The following ATP2A1 variants were observed in gnomAD, a reference collection of about 807,000 sequenced individuals.
ATP2A1 encodes the protein sarcoplasmic/endoplasmic reticulum calcium ATPase 1.
ATP2A1 carries 83 observed loss-of-function variants against 109.5 expected under a neutral mutation model. The ratio of observed to expected loss-of-function variants is 0.76; its 90% CI spans 0.63 to 0.91. The LOEUF is 0.91. ATP2A1 is among the 40% of genes least tolerant of loss of function. The pLI, the probability that ATP2A1 is intolerant of heterozygous loss-of-function variation, is 0.00. For missense variants in ATP2A1, 1,101 were observed against 1,341.0 expected, an observed-to-expected ratio of 0.82 and a Z score of 2.80; for synonymous variants, 505 against 537.6, an observed-to-expected ratio of 0.94 and a Z score of 0.84.
chr16:28,901,055 G>GT, intron 15 of ATP2A1, 139 bp downstream of exon 15: 1 of 1,222,488 alleles, frequency 8.2e-7, no homozygotes, highest in Non-Finnish European at 1.2e-6. Flanking sequence ...GGAAGAGTCT[G>GT]AAGGAGGATT....
In ATP2A1 at chr16:28,879,097, A is replaced by G. The variant is rs201535825; in HGVS notation, c.119-2A>G. ...TGTCCTTTTCTTCTTTTTCCTGGGT[A>G]GAGCTCCCTGCTGAGGAAGGTAAGT... is the stretch of plus-strand genomic sequence containing the variant. On this transcript the variant is annotated splice_acceptor_variant, in intron 1 of 22. Coordinates refer to ENST00000395503, the MANE Select transcript of ATP2A1 (RefSeq NM_004320.6). LOFTEE classifies it high-confidence loss of function. 6.2e-7 allele frequency: 1 copy of G among 1,613,760 alleles called. No individual in the cohort carries two copies. The highest frequency in any genetic ancestry group is 2.2e-5 in the East Asian group (1 of 44,880).
Position 28,880,919 on chromosome 16 carries a change from T to C in ATP2A1, c.224T>C (p.Leu75Pro). 1 of 1,614,130 alleles carries C rather than the reference T, an allele frequency of 6.2e-7. No homozygotes were observed. The highest frequency in any genetic ancestry group is 8.5e-7 in the Non-Finnish European group (1 of 1,179,928). ...CTCCTTTCCCCTGCTCCCCAGGTGC[T>C]GGCCTGGTTTGAGGAAGGTGAAGAG... The part of the protein sequence containing the change: ...LLLAACISFV[L>P]AWFEEGEETI... The change falls in exon 4 of 23, where the codon CTG (leucine) becomes CCG (proline). Residue 75 changes from leucine (L) to proline (P), a missense_variant. By Grantham distance (98) the Leu-to-Pro change is moderately conservative. Coordinates refer to ENST00000395503, the MANE Select transcript of ATP2A1 (RefSeq NM_004320.6). This position sits in a 1 kb window ranked among gnomAD's most constrained non-coding sequence, Gnocchi z 4.2.
chr16:28,894,369 CT>C, intron 10 of ATP2A1, 126 bp downstream of exon 10: 2 of 1,287,054 alleles, frequency 1.6e-6, no homozygotes, highest in Non-Finnish European at 2.2e-6. Context: ...CTTGTTCTCT[CT>C]CCTGATATCC....
intron 9 of ATP2A1, among the ~76,000 whole-genome samples, chr16:28,890,738 T>C (rs1178982182): frequency 1.3e-5 from 2 of 151,976 alleles, no homozygotes; most frequent in South Asian, 4.1e-4. Flanking sequence ...CAGGCTGGAG[T>C]GCAGTGGCCC....
In ATP2A1 at chr16:28,884,660, G is replaced by A; in HGVS notation, c.544+5G>A. The A allele has an allele frequency of 6.2e-7, 1 of 1,612,412 alleles. No homozygotes were observed. The highest frequency in any genetic ancestry group is 8.5e-7 in the Non-Finnish European group (1 of 1,179,424). On this transcript the variant is annotated splice_donor_5th_base_variant and intron_variant, in intron 6 of 22. Coordinates refer to ENST00000395503, the MANE Select transcript of ATP2A1 (RefSeq NM_004320.6). Reference sequence around the variant, plus strand: ...TTGACCAGTCCATCCTGACAGGTCTGCTGGCCTGGGTGGGAAGATGCATGG... The same window carrying A: ...TTGACCAGTCCATCCTGACAGGTCTACTGGCCTGGGTGGGAAGATGCATGG...
chr16:28,894,023 G>C lies in ATP2A1; in HGVS notation c.1096-132G>C, dbSNP rs777199086. 8 of 727,196 alleles carry C rather than the reference G, an allele frequency of 1.1e-5. No homozygotes were observed. In the South Asian group the frequency reaches 1.1e-4, roughly 10 times the overall value. 45.0% of individuals were successfully genotyped at this position (727,196 alleles called of 1,614,324 possible). On this transcript the variant is annotated intron_variant, in intron 9 of 22. Coordinates refer to ENST00000395503, the MANE Select transcript of ATP2A1 (RefSeq NM_004320.6). ...GGGAAGTGGGTAGGGTATACGGGGG[G>C]GATGAGGAGGGGTGAGTAGGAGGGA...
intron 9 of ATP2A1, among the ~76,000 whole-genome samples, chr16:28,889,644 G>A (rs887585575): frequency 3.3e-5 from 5 of 152,186 alleles, no homozygotes; most frequent in Admixed American, 1.3e-4. Context: ...ACAGAGTTGA[G>A]CTTCAAACCC....
Position 28,903,546 on chromosome 16 carries a change from C to A in ATP2A1, c.2980+106C>A. ...CTTTGCAGGTGGTAAGTTTCTCAGCCCTGGCAGGACCTGTGTCCGCCCCGT... is the reference window on the plus strand; with the variant it reads ...CTTTGCAGGTGGTAAGTTTCTCAGCACTGGCAGGACCTGTGTCCGCCCCGT... On this transcript the variant is annotated intron_variant, in intron 21 of 22. Coordinates refer to ENST00000395503, the MANE Select transcript of ATP2A1 (RefSeq NM_004320.6). The surrounding 1 kb of genome is among the most constrained non-coding windows in gnomAD (Gnocchi z 5.6). 8 of 1,268,350 alleles carry A rather than the reference C, an allele frequency of 6.3e-6. No individual in the cohort carries two copies. The highest frequency in any genetic ancestry group is 9.2e-6 in the Non-Finnish European group (8 of 867,588). 78.6% of individuals were successfully genotyped at this position (1,268,350 alleles called of 1,614,324 possible). A position where few individuals can be genotyped will look rare whatever the true frequency, so the allele number is the denominator to read the frequency against.
Position 28,903,502 on chromosome 16 carries a change from G to GC in ATP2A1, c.2980+67dup. 2 of 1,349,112 alleles carry GC rather than the reference G, an allele frequency of 1.5e-6. No homozygotes were observed. The highest frequency in any genetic ancestry group is 2.1e-6 in the Non-Finnish European group (2 of 973,094). 83.6% of individuals were successfully genotyped at this position (1,349,112 alleles called of 1,614,324 possible). ...ACCACAGCCCCTTCCCCATGACGCC[G>GC]CCCCCGCCCCGCCCCGTACTTTGCA... On this transcript the variant is annotated intron_variant, in intron 21 of 22. Transcript: ENST00000395503. The surrounding 1 kb of genome is among the most constrained non-coding windows in gnomAD (Gnocchi z 5.6).
intron 11 of ATP2A1, 38 bp from the exon 12 acceptor site, chr16:28,894,784 G>A: frequency 1.2e-6 from 2 of 1,609,548 alleles, no homozygotes; most frequent in Non-Finnish European, 8.5e-7. Context: ...GTAGGAGCCT[G>A]GGGCACCGAC....
At chr16:28,897,830 C>T (rs1463445813) in intron 12 of ATP2A1, among the ~76,000 whole-genome samples, 170 bp from the exon 13 acceptor site, 1 of 152,162 alleles carries the variant, frequency 6.6e-6, no homozygotes, top group African/African-American at 2.4e-5. Flanking sequence ...TGTGCTTTAA[C>T]CTAGGACCCT....
rs958585369 is a variant in ATP2A1 at position 28,883,421 on chromosome 16, A to G, written c.463+832A>G. Among the ~76,000 whole-genome samples, 1 of 152,076 alleles carries G rather than the reference A, an allele frequency of 6.6e-6. No homozygotes were observed. The highest frequency in any genetic ancestry group is 1.5e-5 in the Non-Finnish European group (1 of 68,004). Reference sequence around the variant, plus strand: ...GTCAGCGCCATGAATGTCTATAAATATCACGCGGGCTTGGGTGACAGGGTG... The same window carrying G: ...GTCAGCGCCATGAATGTCTATAAATGTCACGCGGGCTTGGGTGACAGGGTG... On this transcript the variant is annotated intron_variant, in intron 5 of 22. Transcript: ENST00000395503. The surrounding 1 kb of genome is among the most constrained non-coding windows in gnomAD (Gnocchi z 5.2).
At chr16:28,893,645 GTTTT>G (rs571392375) in intron 9 of ATP2A1, among the ~76,000 whole-genome samples, 22 of 114,838 alleles carry the variant, frequency 1.9e-4, no homozygotes, top group East Asian at 5.9e-4. Flanking sequence ...TCGTTTGTGG[GTTTT>G]TTTTTGTTTT....
chr16:28,879,639 G>T, intron 3 of ATP2A1, 56 bp downstream of exon 3: 1 of 1,556,924 alleles, frequency 6.4e-7, no homozygotes. Flanking sequence ...GGGATCGGGC[G>T]AATGCGGGGC....
chr16:28,903,043 C>T lies in ATP2A1; in HGVS notation c.2758C>T (p.Gln920Ter), dbSNP rs897301304. 15 of 1,613,790 alleles carry T rather than the reference C, an allele frequency of 9.3e-6. No individual in the cohort carries two copies. Among genetic ancestry groups the T allele is most frequent in the Non-Finnish European group, 1.3e-5 (15 of 1,180,000 alleles). Residue 920 changes from glutamine to a stop codon, truncating the protein, a stop_gained, in exon 20 of 23, where the codon CAG becomes TAG. Transcript: ENST00000395503. LOFTEE classifies it high-confidence loss of function. This position sits in a 1 kb window ranked among gnomAD's most constrained non-coding sequence, Gnocchi z 5.6. Reference protein sequence around the residue: ...CNALNSLSENQSLLRMPPWVN... With the variant: ...CNALNSLSEN ...TCCCCTCTGCAGCCTGTCCGAGAAC[C>T]AGTCCCTGCTGCGGATGCCACCCTG...
intron 4 of ATP2A1, among the ~76,000 whole-genome samples, chr16:28,881,317 C>T (rs951100578): frequency 6.6e-6 from 1 of 152,226 alleles, no homozygotes; most frequent in African/African-American, 2.4e-5. Context: ...ATGTTCCTGG[C>T]ACACAGTAGG....
chr16:28,893,037 A>G (rs925985483), intron 9 of ATP2A1, among the ~76,000 whole-genome samples: 1 of 139,788 alleles, frequency 7.2e-6, no homozygotes, highest in Non-Finnish European at 1.5e-5. Flanking sequence ...TGCATCTCCA[A>G]AAAAAAAAAA....
intron 9 of ATP2A1, among the ~76,000 whole-genome samples, chr16:28,889,873 A>G (rs1179039268): frequency 6.6e-6 from 1 of 152,220 alleles, no homozygotes; most frequent in Non-Finnish European, 1.5e-5. Flanking sequence ...GCCAGGTGCA[A>G]TGGCTAACGC....
chr16:28,887,770 A>G lies in ATP2A1; in HGVS notation c.928+48A>G, dbSNP rs1267828764. On this transcript the variant is annotated intron_variant, in intron 8 of 22. Transcript: ENST00000395503. ...CTCCCATTTGCTAATCCCATCTGCA[A>G]AGACCCCTTTTCTTTTCTTTTCTTT... 5 of 1,597,674 alleles carry G rather than the reference A, an allele frequency of 3.1e-6. No homozygotes were observed. The South Asian group carries it at 5.5e-5, about 18-fold the overall frequency.
Sources: gnomAD v4.1 joint callset for allele counts (sites outside exome capture counted in the v4.1 genomes callset) on GRCh38, gnomAD v4.1.1 for gene constraint, Gnocchi (gnomAD v3.1) non-coding constraint, MANE v1.5 for transcripts, NCBI Gene and HGNC (gene_info 2026-07-23, HGNC 2026-07-21) for gene names.